Variants in CA10 observed in about 807,000 individuals in gnomAD.
CA10 encodes carbonic anhydrase 10 (inactive).
CA10 carries 14 observed loss-of-function variants against 44.2 expected under a neutral mutation model. The ratio of observed to expected loss-of-function variants is 0.32; its 90% confidence interval spans 0.21 to 0.50. CA10 has a LOEUF of 0.50. Ranked by LOEUF, CA10 falls within the 20% of genes least tolerant of loss-of-function variation. CA10 has a pLI of 0.99. For synonymous variants in CA10, 159 were observed against 141.6 expected, an observed-to-expected ratio of 1.12 and a Z score of -0.87; for missense variants, 350 against 409.7, an observed-to-expected ratio of 0.85 and a Z score of 1.26.
At chr17:52,006,184 A>G (rs189846506) in intron 2 of CA10, among the ~76,000 whole-genome samples, 5 of 151,968 alleles carry the variant, frequency 3.3e-5, no homozygotes, top group Admixed American at 3.3e-4. Context: ...TGACTGCTCC[A>G]GTATTACACT....
intron 3 of CA10, among the ~76,000 whole-genome samples, chr17:51,863,698 C>T (rs1979417416): frequency 6.6e-6 from 1 of 152,120 alleles, no homozygotes; most frequent in Non-Finnish European, 1.5e-5. Flanking sequence ...TAGAACTCCT[C>T]CCAGAACTCA....
chr17:52,102,201 A>AAAACAGAGAC (rs1988556075), intron 1 of CA10, among the ~76,000 whole-genome samples: 2 of 152,202 alleles, frequency 1.3e-5, no homozygotes, highest in Non-Finnish European at 1.5e-5. Flanking sequence ...AAACACCAAG[A>AAAACAGAGAC]TTCTCAGGAA....
At chr17:52,000,066 T>A (rs1314791829) in intron 2 of CA10, among the ~76,000 whole-genome samples, 2 of 152,076 alleles carry the variant, frequency 1.3e-5, no homozygotes, top group Non-Finnish European at 2.9e-5. Flanking sequence ...GGGTTTTTTC[T>A]TTCTGTTCAG....
At chr17:51,764,358 C>T (rs1335417113) in intron 3 of CA10, among the ~76,000 whole-genome samples, 2 of 152,160 alleles carry the variant, frequency 1.3e-5, no homozygotes, top group Non-Finnish European at 2.9e-5. Flanking sequence ...CTATGACTTC[C>T]TTAACTTAAG....
chr17:51,761,469 T>A (rs1290696876), intron 3 of CA10: 1 of 152,082 alleles, frequency 6.6e-6, no homozygotes, highest in Non-Finnish European at 1.5e-5. Flanking sequence ...AATCTGAAAA[T>A]CATTTAAAAA....
At chr17:51,847,008 G>C (rs1978523578) in intron 3 of CA10, among the ~76,000 whole-genome samples, 1 of 152,174 alleles carries the variant, frequency 6.6e-6, no homozygotes, top group Admixed American at 6.5e-5. Flanking sequence ...GTATGATGTG[G>C]AATAATATGG....
chr17:51,930,873 TG>T, intron 3 of CA10, 116 bp downstream of exon 3: 1 of 1,197,782 alleles, frequency 8.3e-7, no homozygotes. Context: ...CTGAAGTCTG[TG>T]GTATTCCTAG....
chr17:52,008,830 G>C (rs1164034664), intron 2 of CA10, among the ~76,000 whole-genome samples: 1 of 151,820 alleles, frequency 6.6e-6, no homozygotes, highest in Non-Finnish European at 1.5e-5. Flanking sequence ...CCAAACAGAA[G>C]AGCTGATGCT....
chr17:51,786,786 A>G (rs1464105014), intron 3 of CA10, among the ~76,000 whole-genome samples: 1 of 152,140 alleles, frequency 6.6e-6, no homozygotes, highest in East Asian at 1.9e-4. Flanking sequence ...GATTTTCCCC[A>G]TTCAGTATGA....
rs192473163 is a variant in CA10 at position 52,137,205 on chromosome 17, C to T, written c.61+20521G>A. Among the ~76,000 whole-genome samples the T allele has an allele frequency of 2.5e-3, 385 of 152,090 alleles. 3 individuals carry two copies. Among genetic ancestry groups the T allele is most frequent in the African/African-American group, 8.5e-3 (353 of 41,494 alleles). On this transcript the variant is annotated intron_variant, in intron 1 of 8. Transcript: ENST00000451037. ...GTCAAATAACAGGAAATTCAAATCC[C>T]AGCTCTCTTACCTAGCAGTATGAAT...
chr17:51,909,284 C>T (rs1981693139), intron 3 of CA10, among the ~76,000 whole-genome samples: 1 of 152,116 alleles, frequency 6.6e-6, no homozygotes, highest in Admixed American at 6.6e-5. Context: ...TGTAGAATTA[C>T]ACTGAAGGGG....
chr17:51,741,730 C>T (rs574928924), intron 4 of CA10, among the ~76,000 whole-genome samples: 5 of 152,154 alleles, frequency 3.3e-5, no homozygotes, highest in Admixed American at 1.3e-4. Flanking sequence ...AGAGGTTTAC[C>T]AAGGTCATTT....
intron 2 of CA10, among the ~76,000 whole-genome samples, chr17:51,939,812 T>C (rs1210302920): frequency 1.3e-5 from 2 of 152,096 alleles, no homozygotes; most frequent in African/African-American, 2.4e-5. Flanking sequence ...TTTTGTGACA[T>C]GGTATAAATA....
In CA10 at chr17:51,887,854, A is replaced by G. The variant is rs868146540; in HGVS notation, c.279+43136T>C. Among the ~76,000 whole-genome samples, 266 of 147,376 alleles carry G rather than the reference A, an allele frequency of 1.8e-3. 1 individual carries two copies. The South Asian group carries it at 0.019, about 11-fold the overall frequency. On this transcript the variant is annotated intron_variant, in intron 3 of 8. Coordinates refer to ENST00000451037, the MANE Select transcript of CA10 (RefSeq NM_020178.5). ...CTCTACTAAAAATACAAAAAAAAAA[A>G]GAAAAAAAAAAAAGAAAAAAAATTA...
intron 3 of CA10, among the ~76,000 whole-genome samples, chr17:51,830,206 AAAAAAAAAAAGAAAAAG>A (rs1908184359): frequency 6.6e-6 from 1 of 151,366 alleles, no homozygotes; most frequent in African/African-American, 2.4e-5. Context: ...AAAAAAAAAA[AAAAAAAAAAAGAAAAAG>A]AAAAAAAAGA....
intron 2 of CA10, among the ~76,000 whole-genome samples, chr17:52,069,748 C>T (rs952579339): frequency 6.6e-6 from 1 of 152,316 alleles, no homozygotes; most frequent in Non-Finnish European, 1.5e-5. Context: ...ACCTTGTACT[C>T]ACCATTGTTA....
intron 4 of CA10, among the ~76,000 whole-genome samples, chr17:51,744,457 T>C (rs1904591543): frequency 6.6e-6 from 1 of 152,084 alleles, no homozygotes; most frequent in African/African-American, 2.4e-5. Context: ...ACTCCAGTAA[T>C]GGGGCTGAGT....
chr17:51,853,874 G>A (rs1465858117), intron 3 of CA10, among the ~76,000 whole-genome samples: 3 of 152,130 alleles, frequency 2.0e-5, no homozygotes, highest in Non-Finnish European at 2.9e-5. Flanking sequence ...TGCCATGATT[G>A]TAAGTTTCCT....
intron 3 of CA10, among the ~76,000 whole-genome samples, chr17:51,832,352 A>G (rs1908314781): frequency 6.6e-6 from 1 of 152,200 alleles, no homozygotes; most frequent in Admixed American, 6.5e-5. Flanking sequence ...CAACACATGT[A>G]TATAACCCGG....
Sources: gnomAD v4.1 joint callset for allele counts (sites outside exome capture counted in the v4.1 genomes callset) on GRCh38, gnomAD v4.1.1 for gene constraint, MANE v1.5 for transcripts, NCBI Gene and HGNC (gene_info 2026-07-23, HGNC 2026-07-21) for gene names.